The following SSRP1 variants were observed in gnomAD, a reference collection of about 807,000 sequenced individuals.
The protein encoded by SSRP1 is FACT complex subunit SSRP1.
In SSRP1, 21 loss-of-function variants were observed where a neutral mutation model predicts 84.4. The ratio of observed to expected loss-of-function variants is 0.25; its 90% CI spans 0.18 to 0.36. The LOEUF (loss-of-function observed/expected upper bound fraction) is 0.36, where lower values mean the gene tolerates loss of function less well. Among genes scored for constraint, SSRP1 ranks in the 10% least tolerant of loss-of-function variants. The pLI is 1.00. For missense variants in SSRP1, 519 were observed against 900.8 expected (o/e 0.58, Z 5.43); for synonymous variants, 319 against 318.3 (o/e 1.00, Z -0.02).
intron 9 of SSRP1, among the ~76,000 whole-genome samples, chr11:57,331,258 T>C (rs888144759): frequency 2.0e-5 from 3 of 152,134 alleles, no homozygotes; most frequent in African/African-American, 7.2e-5. Flanking sequence ...AAGGTTGATA[T>C]GAGGATTACA....
Position 57,327,929 on chromosome 11 carries a change from A to T in SSRP1, c.1612-47T>A, listed in dbSNP as rs765142222. 1.9e-6 allele frequency: 3 copies of T among 1,587,664 alleles called. 1 individual carries two copies. The South Asian group carries it at 3.4e-5, about 18-fold the overall frequency. ...TTCAGCTATTTCCCACAGAACCCAT[A>T]CATTTTCCCAAATAAATTATTTAGA... On this transcript the variant is annotated intron_variant, in intron 13 of 16. Transcript: ENST00000278412.
At chr11:57,329,979 C>A in intron 12 of SSRP1, 114 bp downstream of exon 12, 1 of 1,307,626 alleles carries the variant, frequency 7.6e-7, no homozygotes. Context: ...GGAGGTCACT[C>A]TCCCATTCTG....
At chr11:57,333,332 G>A (rs1856134587) in intron 4 of SSRP1, 103 bp downstream of exon 4, 1 of 1,195,004 alleles carries the variant, frequency 8.4e-7, no homozygotes, top group South Asian at 1.3e-5. Flanking sequence ...CAAATAGATA[G>A]GAAACCAGAG....
At position 57,329,890 on chromosome 11, in the gene SSRP1, A is replaced by T. The variant is rs1158298824; in HGVS notation, c.1481+203T>A. On this transcript the variant is annotated intron_variant, in intron 12 of 16. Coordinates refer to ENST00000278412, the MANE Select transcript of SSRP1 (RefSeq NM_003146.3). ...GCGGTATGGCCATAGATCCCACTAT[A>T]CTTTTCCGACTTCAAAATATGTCTT... 1.1e-5 allele frequency: 7 copies of T among 661,588 alleles called. 1 individual carries two copies. In the East Asian group the frequency reaches 1.9e-4, roughly 18 times the overall value. 41.0% of individuals were successfully genotyped at this position (661,588 alleles called of 1,614,324 possible).
chr11:57,329,046 C>A (rs1181519652), intron 12 of SSRP1: 1 of 152,478 alleles, frequency 6.6e-6, no homozygotes, highest in Non-Finnish European at 1.5e-5. Flanking sequence ...GTGCCTACCC[C>A]TGTAATTGAC....
rs1354442026 is a variant in SSRP1, at chr11:57,334,613, G to A, written c.90C>T (p.Ile30=). ...TGCCTGTCTTGCTATTCTTGAAGAT[G>A]ATGCCCTGACGGCTCAACCTCAGTC... ...DGRLRLSRQG[I]IFKNSKTGKV... Residue 30 remains isoleucine, a synonymous_variant, in exon 3 of 17, where the codon ATC becomes ATT. Coordinates refer to ENST00000278412, the MANE Select transcript of SSRP1 (RefSeq NM_003146.3). 6.2e-7 allele frequency: 1 copy of A among 1,614,182 alleles called. No individual in the cohort carries two copies. The highest frequency in any genetic ancestry group is 1.1e-5 in the South Asian group (1 of 91,088).
chr11:57,331,626 C>G, intron 9 of SSRP1, 42 bp downstream of exon 9: 2 of 1,548,030 alleles, frequency 1.3e-6, no homozygotes, highest in South Asian at 1.1e-5. Flanking sequence ...AAAGCTGGCT[C>G]GGGACCAGGA....
chr11:57,328,008 G>A, intron 13 of SSRP1, 126 bp from the exon 14 acceptor site: 1 of 1,194,254 alleles, frequency 8.4e-7, no homozygotes, highest in Non-Finnish European at 1.2e-6. Context: ...CGAGACGAGA[G>A]CTCCCTAAGG....
At position 57,328,506 on chromosome 11, in the gene SSRP1, C is replaced by T. The variant is rs190777309; in HGVS notation, c.1482-80G>A. The T allele has an allele frequency of 3.8e-5, 59 of 1,568,214 alleles. 1 individual carries two copies. The Middle Eastern group carries it at 6.8e-4, about 18-fold the overall frequency. On this transcript the variant is annotated intron_variant, in intron 12 of 16. Transcript: ENST00000278412. ...CCTCAGGACAGGAGGAAGACAAATC[C>T]AAAGATACCCACCCAAAAGGGGCAA...
chr11:57,327,213 C>T, intron 15 of SSRP1: 1 of 667,238 alleles, frequency 1.5e-6, no homozygotes, highest in Non-Finnish European at 2.5e-6. Context: ...ATAAAATGGT[C>T]CAGGAAAAGA....
chr11:57,327,576 G>A, intron 14 of SSRP1, 62 bp from the exon 15 acceptor site: 1 of 1,607,764 alleles, frequency 6.2e-7, no homozygotes, highest in Non-Finnish European at 8.5e-7. Flanking sequence ...CCTCTCCCCT[G>A]ATGCAGGCAA....
chr11:57,328,228 TAA>T, intron 13 of SSRP1, 67 bp downstream of exon 13: 1 of 1,579,572 alleles, frequency 6.3e-7, no homozygotes, highest in Non-Finnish European at 8.6e-7. Context: ...CAGGAGAAGG[TAA>T]AGAGAATGCC....
Position 57,332,300 on chromosome 11 carries a change from A to T in SSRP1, c.873-20T>A. On this transcript the variant is annotated intron_variant, in intron 7 of 16. Coordinates refer to ENST00000278412, the MANE Select transcript of SSRP1 (RefSeq NM_003146.3). The surrounding 1 kb of genome is among the most constrained non-coding windows in gnomAD (Gnocchi z 5.5). ...TCTTCCCTACAAAGAAAGCAAGGTG[A>T]GGTCACAACACTACTGCCTTCTAAT... 1 of 1,614,122 alleles carries T rather than the reference A, an allele frequency of 6.2e-7. No homozygotes were observed. The highest frequency in any genetic ancestry group is 8.5e-7 in the Non-Finnish European group (1 of 1,179,998).
Position 57,330,400 on chromosome 11 carries a change from A to G in SSRP1, c.1326T>C (p.Ala442=). Residue 442 remains alanine (A), a synonymous_variant, in exon 11 of 17, where the codon GCT becomes GCC. Coordinates refer to ENST00000278412, the MANE Select transcript of SSRP1 (RefSeq NM_003146.3). This position sits in a 1 kb window ranked among gnomAD's most constrained non-coding sequence, Gnocchi z 4.0. ...CATCATGCTGGTCCTCATCAGAGTC[A>G]GCATATTCATCGTAGCTTGGGTTCA... The part of the protein sequence containing the change: ...EGMNPSYDEY[A]DSDEDQHDAY... The G allele has an allele frequency of 1.2e-6, 2 of 1,614,070 alleles. No homozygotes were observed. The highest frequency in any genetic ancestry group is 1.7e-6 in the Non-Finnish European group (2 of 1,180,024).
chr11:57,327,937 C>A, intron 13 of SSRP1, 55 bp from the exon 14 acceptor site: 3 of 1,580,616 alleles, frequency 1.9e-6, no homozygotes, highest in Non-Finnish European at 2.6e-6. Context: ...ATACATTTTC[C>A]CAAATAAATT....
chr11:57,327,489 G>A lies in SSRP1; in HGVS notation c.1808C>T (p.Ala603Val). Residue 603 changes from alanine (A) to valine (V), a missense_variant, in exon 15 of 17, where the codon GCC becomes GTC. Physicochemically the swap from Ala to Val is moderately conservative, Grantham distance 64. This residue lies in a region of SSRP1 where 197 missense variants were observed against 265.0 expected (regional missense o/e 0.74). Transcript: ENST00000278412. ...CATGGCTTTTTCATAGTCCCTCCTG[G>A]CATCCTCAGCCTTGCGATCCCACTC... Reference protein sequence around the residue: ...KEEWDRKAEDARRDYEKAMKE... With the variant: ...KEEWDRKAEDVRRDYEKAMKE... 1 of 1,613,750 alleles carries A rather than the reference G, an allele frequency of 6.2e-7. No homozygotes were observed. Among genetic ancestry groups the A allele is most frequent in the Non-Finnish European group, 8.5e-7 (1 of 1,179,976 alleles).
chr11:57,334,315 C>T (rs577248700), intron 3 of SSRP1, 148 bp downstream of exon 3: 2 of 856,564 alleles, frequency 2.3e-6, no homozygotes, highest in East Asian at 4.9e-5. Context: ...CAAAGCCAAA[C>T]ACTGATTGCC....
chr11:57,326,955 C>A lies in SSRP1; in HGVS notation c.1872-66G>T. 2.0e-6 allele frequency: 3 copies of A among 1,473,982 alleles called. No individual in the cohort carries two copies. The South Asian group carries it at 4.2e-5, about 21-fold the overall frequency. The allele number at this position is 1,473,982 out of a possible 1,614,324, so 91.3% of individuals were successfully genotyped here. A position where few individuals can be genotyped will look rare whatever the true frequency, so the allele number is the denominator to read the frequency against. On this transcript the variant is annotated intron_variant, in intron 15 of 16. Transcript: ENST00000278412. ...CCCTGTCACCATGACCAAACCTCTCCCAGCTTTAACAAGGCCTTTCCCAAT... is the reference window on the plus strand; with the variant it reads ...CCCTGTCACCATGACCAAACCTCTCACAGCTTTAACAAGGCCTTTCCCAAT...
chr11:57,327,028 C>CTAT, intron 15 of SSRP1, 139 bp from the exon 16 acceptor site: 1 of 1,419,200 alleles, frequency 7.0e-7, no homozygotes, highest in East Asian at 2.5e-5. Context: ...GCTGCGTCAG[C>CTAT]CTGGAGGGCA....
Sources: gnomAD v4.1 joint callset for allele counts (sites outside exome capture counted in the v4.1 genomes callset) on GRCh38, gnomAD v4.1.1 for gene constraint, gnomAD v4.1.1 regional missense constraint, Gnocchi (gnomAD v3.1) non-coding constraint, MANE v1.5 for transcripts, NCBI Gene and HGNC (gene_info 2026-07-23, HGNC 2026-07-21) for gene names.